The following NFIB variants were observed in gnomAD, a reference collection of about 807,000 sequenced individuals.
NFIB encodes nuclear factor 1 B-type.
Under a neutral mutation model 61.5 loss-of-function variants are expected in NFIB, and 11 were observed. The ratio of observed to expected loss-of-function variants is 0.18; its 90% CI spans 0.11 to 0.30. The LOEUF (loss-of-function observed/expected upper bound fraction) is 0.30. NFIB is among the 10% of genes least tolerant of loss of function. NFIB has a pLI of 1.00. For missense variants in NFIB, 471 were observed against 608.9 expected (o/e 0.77, Z 2.38); for synonymous variants, 260 against 216.5 (o/e 1.20, Z -1.76).
intron 1 of NFIB, among the ~76,000 whole-genome samples, chr9:14,329,240 T>C (rs1232766378): frequency 6.6e-6 from 1 of 152,198 alleles, no homozygotes; most frequent in Non-Finnish European, 1.5e-5. Context: ...AGTGCCAGCA[T>C]CCTAAAGGAC....
chr9:14,162,766 C>T (rs1285112317), intron 3 of NFIB, among the ~76,000 whole-genome samples: 1 of 151,932 alleles, frequency 6.6e-6, no homozygotes, highest in Non-Finnish European at 1.5e-5. Context: ...TCTACTTTTG[C>T]TTTCTAATGT....
At chr9:14,368,625 G>C (rs896265277) in intron 1 of NFIB, among the ~76,000 whole-genome samples, 3 of 152,176 alleles carry the variant, frequency 2.0e-5, no homozygotes, top group African/African-American at 7.2e-5. Flanking sequence ...AACATTTAAA[G>C]AGATTTATAC....
At chr9:14,090,546 C>T (rs760426162) in intron 10 of NFIB, among the ~76,000 whole-genome samples, 4 of 152,056 alleles carry the variant, frequency 2.6e-5, no homozygotes, top group Non-Finnish European at 5.9e-5. Context: ...AGAAAACGAC[C>T]TAGTCACATC....
At chr9:14,237,291 A>T (rs2053835091) in intron 2 of NFIB, among the ~76,000 whole-genome samples, 1 of 152,048 alleles carries the variant, frequency 6.6e-6, no homozygotes, top group South Asian at 2.1e-4. Context: ...TCTTTCATCT[A>T]TCTCATCCTA....
chr9:14,447,476 T>G, the NFIB span, among the ~76,000 whole-genome samples: 1 of 152,168 alleles, frequency 6.6e-6, no homozygotes, highest in South Asian at 2.1e-4. Context: ...ATTAAATTCT[T>G]GGCTTGAGGT....
intron 2 of NFIB, among the ~76,000 whole-genome samples, chr9:14,302,102 C>G (rs2059782714): frequency 6.6e-6 from 1 of 152,196 alleles, no homozygotes; most frequent in Admixed American, 6.5e-5. Context: ...AGAGCAGCCT[C>G]ATTTTAATCA....
intron 1 of NFIB, among the ~76,000 whole-genome samples, chr9:14,366,945 G>C (rs2061307301): frequency 6.6e-6 from 1 of 152,078 alleles, no homozygotes; most frequent in African/African-American, 2.4e-5. Context: ...CTACTTCAGA[G>C]GGCCCTGTTT....
the NFIB span, among the ~76,000 whole-genome samples, chr9:14,404,795 G>T: frequency 6.6e-6 from 1 of 152,152 alleles, no homozygotes; most frequent in Non-Finnish European, 1.5e-5. Context: ...CAGCAAGATT[G>T]TCTTCTAAGG....
the NFIB span, among the ~76,000 whole-genome samples, chr9:14,416,731 T>G: frequency 1.3e-5 from 2 of 151,992 alleles, no homozygotes; most frequent in African/African-American, 4.8e-5. Context: ...ATAAATGTAG[T>G]GTGGCCCAAG....
At chr9:14,110,415 A>T (rs1036007332) in intron 10 of NFIB, among the ~76,000 whole-genome samples, 1 of 152,080 alleles carries the variant, frequency 6.6e-6, no homozygotes, top group African/African-American at 2.4e-5. Context: ...GCTATAGGGA[A>T]TGTTTAAAAG....
At chr9:14,517,119 G>A in the NFIB span, among the ~76,000 whole-genome samples, 1 of 152,154 alleles carries the variant, frequency 6.6e-6, no homozygotes, top group Admixed American at 6.5e-5. Context: ...TAAATAGATT[G>A]GGAGCCACTA....
intron 2 of NFIB, among the ~76,000 whole-genome samples, chr9:14,275,118 A>G (rs746520883): frequency 5.9e-5 from 9 of 152,190 alleles, no homozygotes; most frequent in Non-Finnish European, 1.2e-4. Context: ...CAGTGTATTC[A>G]ACGGGCTTCA....
chr9:14,280,253 G>A (rs1167477744), intron 2 of NFIB, among the ~76,000 whole-genome samples: 2 of 152,054 alleles, frequency 1.3e-5, no homozygotes, highest in African/African-American at 4.8e-5. Context: ...GTGTGACCCT[G>A]GGCATAATTT....
intron 3 of NFIB, among the ~76,000 whole-genome samples, chr9:14,166,410 A>G (rs1226511240): frequency 1.3e-5 from 2 of 152,180 alleles, no homozygotes; most frequent in African/African-American, 4.8e-5. Flanking sequence ...TTCCATCACA[A>G]TTTCAAGTAT....
chr9:14,292,893 T>G (rs1198152597), intron 2 of NFIB, among the ~76,000 whole-genome samples: 1 of 152,208 alleles, frequency 6.6e-6, no homozygotes, highest in Non-Finnish European at 1.5e-5. Flanking sequence ...CAGATATGTC[T>G]TCTCCTATAT....
chr9:14,502,274 T>C, the NFIB span, among the ~76,000 whole-genome samples: 1 of 152,220 alleles, frequency 6.6e-6, no homozygotes, highest in Non-Finnish European at 1.5e-5. Flanking sequence ...TATGTTTATG[T>C]ATAGTTTTTC....
intron 4 of NFIB, among the ~76,000 whole-genome samples, chr9:14,154,955 A>G (rs1400236909): frequency 6.6e-6 from 1 of 152,116 alleles, no homozygotes. Flanking sequence ...TCTAAATATG[A>G]CCCAAATGAG....
chr9:14,189,912 G>C (rs997587047), intron 2 of NFIB, among the ~76,000 whole-genome samples: 2 of 151,666 alleles, frequency 1.3e-5, no homozygotes, highest in African/African-American at 4.9e-5. Context: ...TTCAGTTTTT[G>C]ATTATTATCT....
chr9:14,344,512 T>A (rs117829151), intron 1 of NFIB, among the ~76,000 whole-genome samples: 1 of 152,188 alleles, frequency 6.6e-6, no homozygotes, highest in Non-Finnish European at 1.5e-5. Flanking sequence ...ACTGGGCTGA[T>A]GGAAGAGCTT....
Sources: gnomAD v4.1 joint callset for allele counts (sites outside exome capture counted in the v4.1 genomes callset) on GRCh38, gnomAD v4.1.1 for gene constraint, MANE v1.5 for transcripts, NCBI Gene and HGNC (gene_info 2026-07-23, HGNC 2026-07-21) for gene names.